Variants in OR2C1 observed in about 807,000 individuals in gnomAD.
The protein encoded by OR2C1 is olfactory receptor family 2 subfamily C member 1.
For synonymous variants in OR2C1, 209 were observed against 167.3 expected, an observed-to-expected ratio of 1.25 and a Z score of -1.92; for missense variants, 468 against 388.3, an observed-to-expected ratio of 1.21 and a Z score of -1.73.
rs1199616702 is a variant in OR2C1 at position 3,356,278 on chromosome 16, T to C, written c.338T>C (p.Ile113Thr). The C allele has an allele frequency of 1.2e-6, 2 of 1,613,878 alleles. No homozygotes were observed. Among genetic ancestry groups the C allele is most frequent in the Non-Finnish European group, 1.7e-6 (2 of 1,180,014 alleles). ...CTTTGGCTGGGGGCCACCGAGTGCA[T>C]CCTGCTGGTGGTGATGGCATTTGAC... is the stretch of plus-strand genomic sequence containing the variant. ...VFLWLGATEC[I>T]LLVVMAFDRY... The change falls in exon 1 of 1, where the codon ATC (isoleucine) becomes ACC (threonine). Residue 113 changes from isoleucine to threonine, a missense_variant. Ile to Thr is a moderately conservative substitution (Grantham distance 89). Coordinates refer to ENST00000304936, the MANE Select transcript of OR2C1 (RefSeq NM_012368.3).
the OR2C1 span, among the ~76,000 whole-genome samples, chr16:3,336,942 A>G: frequency 2.6e-5 from 4 of 151,964 alleles, no homozygotes; most frequent in African/African-American, 9.6e-5. Flanking sequence ...TCCCGACCTC[A>G]GGTGATCCGC....
chr16:3,349,513 C>T, the OR2C1 span, among the ~76,000 whole-genome samples: 2 of 152,150 alleles, frequency 1.3e-5, no homozygotes, highest in Non-Finnish European at 2.9e-5. Flanking sequence ...CCCTCTCGGT[C>T]CCATGCCTGC....
the OR2C1 span, among the ~76,000 whole-genome samples, chr16:3,350,217 G>A: frequency 6.6e-6 from 1 of 151,118 alleles, no homozygotes; most frequent in Non-Finnish European, 1.5e-5. Context: ...CACCACGCCC[G>A]GCTAATTTTT....
upstream of OR2C1, among the ~76,000 whole-genome samples, chr16:3,353,725 T>C (rs531366278): frequency 2.0e-5 from 3 of 149,630 alleles, no homozygotes; most frequent in East Asian, 6.0e-4. Flanking sequence ...CGCTTGAACC[T>C]GGGAGGCAGA....
At chr16:3,346,481 A>G in the OR2C1 span, among the ~76,000 whole-genome samples, 2 of 152,276 alleles carry the variant, frequency 1.3e-5, no homozygotes, top group East Asian at 3.9e-4. Context: ...TGGGCCACCC[A>G]GTGTTCCAGC....
chr16:3,325,504 TAC>T, the OR2C1 span, among the ~76,000 whole-genome samples: 8 of 124,586 alleles, frequency 6.4e-5, no homozygotes, highest in East Asian at 1.4e-3. Flanking sequence ...TATATATATA[TAC>T]ACTTTAAAAA....
At chr16:3,328,659 G>C in the OR2C1 span, among the ~76,000 whole-genome samples, 12 of 152,282 alleles carry the variant, frequency 7.9e-5, no homozygotes, top group South Asian at 2.5e-3. Flanking sequence ...TTGGGGTTCT[G>C]TGCTCACCCT....
At chr16:3,323,867 C>G in the OR2C1 span, 9 of 1,374,048 alleles carry the variant, frequency 6.5e-6, no homozygotes, top group South Asian at 8.6e-5. Context: ...ATAAGCCTTC[C>G]TCTTTTTCAG....
chr16:3,331,972 A>G, the OR2C1 span, among the ~76,000 whole-genome samples: 2 of 151,732 alleles, frequency 1.3e-5, no homozygotes, highest in African/African-American at 4.8e-5. Context: ...AAACTATCAT[A>G]AGAACAAAAA....
At chr16:3,334,927 T>C in the OR2C1 span, among the ~76,000 whole-genome samples, 1 of 152,048 alleles carries the variant, frequency 6.6e-6, no homozygotes, top group Non-Finnish European at 1.5e-5. Context: ...CAAGTGATTC[T>C]CCTGCCTTAG....
chr16:3,346,851 C>G, the OR2C1 span, among the ~76,000 whole-genome samples: 1 of 150,770 alleles, frequency 6.6e-6, no homozygotes, highest in Non-Finnish European at 1.5e-5. Context: ...AGGCTAGTCT[C>G]GAACTCTTGG....
At chr16:3,347,817 C>T in the OR2C1 span, among the ~76,000 whole-genome samples, 4 of 126,552 alleles carry the variant, frequency 3.2e-5, no homozygotes, top group Admixed American at 9.2e-5. Flanking sequence ...CGTGCACACA[C>T]GAACACACAT....
At chr16:3,334,459 G>A in the OR2C1 span, among the ~76,000 whole-genome samples, 1 of 150,338 alleles carries the variant, frequency 6.7e-6, no homozygotes, top group South Asian at 2.1e-4. Context: ...TTAAGTTTTT[G>A]TACAGACAGG....
the OR2C1 span, among the ~76,000 whole-genome samples, chr16:3,333,943 T>A: frequency 1.6e-4 from 24 of 151,812 alleles, no homozygotes; most frequent in Non-Finnish European, 2.8e-4. Flanking sequence ...CACCATTTAT[T>A]GAAGAGATTG....
At chr16:3,337,177 C>A in the OR2C1 span, among the ~76,000 whole-genome samples, 1 of 144,730 alleles carries the variant, frequency 6.9e-6, no homozygotes, top group Non-Finnish European at 1.5e-5. Flanking sequence ...TTTTTGGAGA[C>A]AGAGGCTTGC....
chr16:3,337,609 G>A, the OR2C1 span, among the ~76,000 whole-genome samples: 133,000 of 152,134 alleles, frequency 0.87, 58,208 homozygotes, highest in East Asian at 0.94. Context: ...AATTACCTCA[G>A]TCTTTTTGTT....
At chr16:3,323,742 G>A in the OR2C1 span, 1 of 685,966 alleles carries the variant, frequency 1.5e-6, no homozygotes, top group South Asian at 1.6e-5. Flanking sequence ...TCACATTTCT[G>A]CCACCAGGAA....
the OR2C1 span, among the ~76,000 whole-genome samples, chr16:3,328,633 G>C: frequency 5.9e-5 from 9 of 152,304 alleles, no homozygotes; most frequent in East Asian, 1.7e-3. Context: ...AACTGGTGTA[G>C]GAAATTGGCT....
the OR2C1 span, among the ~76,000 whole-genome samples, chr16:3,338,738 G>A: frequency 3.3e-5 from 5 of 151,778 alleles, no homozygotes; most frequent in African/African-American, 9.7e-5. Flanking sequence ...GGGGTTTCAC[G>A]TGTTAGCCAG....
Sources: gnomAD v4.1 joint callset for allele counts (sites outside exome capture counted in the v4.1 genomes callset) on GRCh38, gnomAD v4.1.1 for gene constraint, MANE v1.5 for transcripts, NCBI Gene and HGNC (gene_info 2026-07-23, HGNC 2026-07-21) for gene names.